IFRD2: variants seen among roughly 807,000 people sequenced by gnomAD.
IFRD2 encodes the protein interferon related developmental regulator 2.
A neutral mutation model predicts 49.2 loss-of-function variants in IFRD2; 35 were observed. That is an observed-to-expected ratio of 0.71 (90% CI 0.54 to 0.94). The LOEUF is 0.94. Ranked by LOEUF, IFRD2 falls within the 40% of genes least tolerant of loss-of-function variation. The pLI, the probability that IFRD2 is intolerant of heterozygous loss-of-function variation, is 0.00. For missense variants in IFRD2, 561 were observed against 591.6 expected, an observed-to-expected ratio of 0.95 and a Z score of 0.54; for synonymous variants, 275 against 239.7, an observed-to-expected ratio of 1.15 and a Z score of -1.36.
At position 50,289,512 on chromosome 3, in the gene IFRD2, G is replaced by T; in HGVS notation, c.714C>A (p.Ala238=). The stretch of plus-strand genomic sequence containing the variant: ...TGAGCAGCAATGCCCAGGCCTGCAG[G>T]GCAGCAGAGAGCAGGCCGTGCAGGC... ...PASLHGLLSA[A]LQAWALLLTI... Residue 238 remains alanine, a synonymous_variant, in exon 7 of 12, where the codon GCC becomes GCA. Coordinates refer to ENST00000417626, the MANE Select transcript of IFRD2 (RefSeq NM_006764.5). 1 of 1,585,700 alleles carries T rather than the reference G, an allele frequency of 6.3e-7. No individual in the cohort carries two copies. Among genetic ancestry groups the T allele is most frequent in the Non-Finnish European group, 8.6e-7 (1 of 1,166,232 alleles).
chr3:50,289,140 G>A lies in IFRD2; in HGVS notation c.885+115C>T, dbSNP rs1701619059. ...ATCTAGGAGATAAATCTGTTTTGGG[G>A]CCACCTCCTCTGCATAATGACCTAA... On this transcript the variant is annotated intron_variant, in intron 8 of 11. Transcript: ENST00000417626. 5 of 1,171,268 alleles carry A rather than the reference G, an allele frequency of 4.3e-6. No individual in the cohort carries two copies. The East Asian group carries it at 7.7e-5, about 18-fold the overall frequency. The allele number at this position is 1,171,268 out of a possible 1,614,324, so 72.6% of individuals were successfully genotyped here.
Position 50,290,617 on chromosome 3 carries a change from G to A in IFRD2, c.121C>T (p.Arg41Cys), listed in dbSNP as rs782209228. 33 of 1,613,812 alleles carry A rather than the reference G, an allele frequency of 2.0e-5. No homozygotes were observed. The African/African-American group carries it at 2.5e-4, about 12-fold the overall frequency. The change falls in exon 2 of 12, where the codon CGC becomes TGC. Residue 41 changes from arginine (R) to cysteine (C), a missense_variant. By Grantham distance (180) the Arg-to-Cys change is radical (BLOSUM62 -3). Transcript: ENST00000417626. ...CTGGGGCATTCACTGGCGGTGCTGCGGGCCTCACTGGCTGCCTCATCGTCA... is the reference window on the plus strand; with the variant it reads ...CTGGGGCATTCACTGGCGGTGCTGCAGGCCTCACTGGCTGCCTCATCGTCA... ...SSDDEAASEA[R>C]STASECPSLL...
Position 50,290,195 on chromosome 3 carries a change from A to T in IFRD2, c.363T>A (p.Asp121Glu). 1 of 1,613,886 alleles carries T rather than the reference A, an allele frequency of 6.2e-7. No homozygotes were observed. Among genetic ancestry groups the T allele is most frequent in the Non-Finnish European group, 8.5e-7 (1 of 1,179,816 alleles). The change falls in exon 4 of 12, where the codon GAT (aspartate) becomes GAA (glutamate). Residue 121 changes from aspartate (D) to glutamate (E), a missense_variant. By Grantham distance (45) the Asp-to-Glu change is conservative. Transcript: ENST00000417626. ...CTTTCTTGAGGCACTTTTCCAGGGCATCGGCTAGCGTGAGGCGGCGCTCCA... is the reference window on the plus strand; with the variant it reads ...CTTTCTTGAGGCACTTTTCCAGGGCTTCGGCTAGCGTGAGGCGGCGCTCCA... ...FLLERRLTLA[D>E]ALEKCLKKGK...
At chr3:50,291,845 A>T in intron 1 of IFRD2, 1 of 218,516 alleles carries the variant, frequency 4.6e-6, no homozygotes, top group Non-Finnish European at 8.9e-6. Flanking sequence ...CCCTCTCTTC[A>T]CCGGAGCAGG....
rs1701614889 is a variant in IFRD2, at chr3:50,288,910, C to T, written c.913G>A (p.Ala305Thr). ...AGAGTGCGCAGGACACTGCAGAGGG[C>T]CTCCATGTCCTCGTAAACAAACTCC... ...EEEFVYEDME[A>T]LCSVLRTLAT... The change falls in exon 9 of 12, where the codon GCC (alanine) becomes ACC (threonine). Residue 305 changes from alanine to threonine, a missense_variant. Ala to Thr is a moderately conservative substitution (Grantham distance 58). Coordinates refer to ENST00000417626, the MANE Select transcript of IFRD2 (RefSeq NM_006764.5). 6.2e-7 allele frequency: 1 copy of T among 1,612,888 alleles called. No individual in the cohort carries two copies. Among genetic ancestry groups the T allele is most frequent in the Non-Finnish European group, 8.5e-7 (1 of 1,179,362 alleles).
At position 50,290,484 on chromosome 3, in the gene IFRD2, C is replaced by G; in HGVS notation, c.179-12G>C. On this transcript the variant is annotated splice_polypyrimidine_tract_variant and intron_variant, in intron 2 of 11. Coordinates refer to ENST00000417626, the MANE Select transcript of IFRD2 (RefSeq NM_006764.5). Reference sequence around the variant, plus strand: ...CACGACATCCCCCCCTGCAAGGCCACCTGGTCAGCACCGCTTCTTGTCCTC... The same window carrying G: ...CACGACATCCCCCCCTGCAAGGCCAGCTGGTCAGCACCGCTTCTTGTCCTC... 4.4e-6 allele frequency: 7 copies of G among 1,584,018 alleles called. No individual in the cohort carries two copies. The highest frequency in any genetic ancestry group is 6.0e-6 in the Non-Finnish European group (7 of 1,163,978).
Position 50,288,662 on chromosome 3 carries a change from T to G in IFRD2, c.1073A>C (p.Tyr358Ser). The part of the protein sequence containing the change: ...EIVRFGFEVL[Y>S]MDSWARHRIY... ...CCGGTGCCGAGCCCAGCTGTCCATG[T>G]AGAGCACCTCAAAGCCGAAGCGCAC... Residue 358 changes from tyrosine (Y) to serine (S), a missense_variant, in exon 10 of 12, where the codon TAC becomes TCC. Coordinates refer to ENST00000417626, the MANE Select transcript of IFRD2 (RefSeq NM_006764.5). The G allele has an allele frequency of 6.2e-7, 1 of 1,613,272 alleles. No individual in the cohort carries two copies.
rs782103436 is a variant in IFRD2, at chr3:50,288,827, A to T, written c.996T>A (p.Thr332=). The T allele has an allele frequency of 2.5e-6, 4 of 1,613,494 alleles. No homozygotes were observed. The East Asian group carries it at 8.9e-5, about 36-fold the overall frequency. ...AKADRRRQRS[T]FRAVLHSVEG... ...CCACGGAGTGCAGCACGGCGCGGAA[A>T]GTAGAGCGCTGGCGCCGACGATCAG... The change falls in exon 9 of 12, where the codon ACT becomes ACA. Residue 332 remains threonine (T), a synonymous_variant. Transcript: ENST00000417626.
At chr3:50,290,361 TAGG>T (rs782322202) in intron 3 of IFRD2, 24 bp downstream of exon 3, 16 of 1,594,502 alleles carry the variant, frequency 1.0e-5, no homozygotes, top group Non-Finnish European at 1.4e-5. Flanking sequence ...GAGCTGGGTG[TAGG>T]AGTTGGCTGG....
Position 50,287,973 on chromosome 3 carries a change from TGA to T in IFRD2, c.*216_*217del. The T allele has an allele frequency of 1.8e-6, 1 of 564,956 alleles. No individual in the cohort carries two copies. The highest frequency in any genetic ancestry group is 2.1e-5 in the South Asian group (1 of 48,718). 35.0% of individuals were successfully genotyped at this position (564,956 alleles called of 1,614,324 possible). A position where few individuals can be genotyped will look rare whatever the true frequency, so the allele number is the denominator to read the frequency against. On this transcript the variant is annotated 3_prime_UTR_variant, in exon 12 of 12. Coordinates refer to ENST00000417626, the MANE Select transcript of IFRD2 (RefSeq NM_006764.5). ...AGGAAGGCACATATTTAGCCTGGCC[TGA>T]GACAGGACAGGAAGGGGCCACAGGG... is the stretch of plus-strand genomic sequence containing the variant.
At position 50,288,069 on chromosome 3, in the gene IFRD2, T is replaced by G; in HGVS notation, c.*122A>C. 1 of 915,042 alleles carries G rather than the reference T, an allele frequency of 1.1e-6. No homozygotes were observed. Among genetic ancestry groups the G allele is most frequent in the Non-Finnish European group, 1.7e-6 (1 of 584,978 alleles). The allele number at this position is 915,042 out of a possible 1,614,324, so 56.7% of individuals were successfully genotyped here. On this transcript the variant is annotated 3_prime_UTR_variant, in exon 12 of 12. Transcript: ENST00000417626. ...CCCCAGCTACCCACCCCATGTCTGT[T>G]TTTGGTTTTGTCATTAAAAAAAATA...
In IFRD2 at chr3:50,290,462, G is replaced by A. The variant is rs898137776; in HGVS notation, c.189C>T (p.Val63=). The part of the protein sequence containing the change: ...TTAEDSLGGD[V]VDEQGQQEDL... ...CTTCCTGCTGGCCCTGCTCATCCACGACATCCCCCCCTGCAAGGCCACCTG... is the reference window on the plus strand; with the variant it reads ...CTTCCTGCTGGCCCTGCTCATCCACAACATCCCCCCCTGCAAGGCCACCTG... Residue 63 remains valine, a synonymous_variant, in exon 3 of 12, where the codon GTC becomes GTT. Transcript: ENST00000417626. 11 of 1,578,022 alleles carry A rather than the reference G, an allele frequency of 7.0e-6. No individual in the cohort carries two copies. In the South Asian group the frequency reaches 8.1e-5, roughly 12 times the overall value.
chr3:50,290,578 T>C lies in IFRD2; in HGVS notation c.160A>G (p.Thr54Ala), dbSNP rs781794592. ...ASECPSLLST[T>A]AEDSLGGDVV... ...CTCTCACCAAGGCTGTCCTCTGCAG[T>C]GGTGCTGAGAAGGCTGGGGCATTCA... Residue 54 changes from threonine (T) to alanine (A), a missense_variant, in exon 2 of 12, where the codon ACT (threonine) becomes GCT (alanine). Transcript: ENST00000417626. 2 of 1,613,832 alleles carry C rather than the reference T, an allele frequency of 1.2e-6. No individual in the cohort carries two copies. Among genetic ancestry groups the C allele is most frequent in the Non-Finnish European group, 1.7e-6 (2 of 1,179,878 alleles).
chr3:50,288,101 C>G lies in IFRD2; in HGVS notation c.*90G>C. 1.7e-6 allele frequency: 2 copies of G among 1,184,212 alleles called. No homozygotes were observed. Among genetic ancestry groups the G allele is most frequent in the South Asian group, 2.6e-5 (2 of 76,256 alleles). The allele number at this position is 1,184,212 out of a possible 1,614,324, so 73.4% of individuals were successfully genotyped here. On this transcript the variant is annotated 3_prime_UTR_variant, in exon 12 of 12. Transcript: ENST00000417626. ...TTTGTCATTAAAAAAAATAAAGTGA[C>G]AAATACTGGTGGAGACCAGTTGTTG...
At chr3:50,288,737 C>G (rs1553709046) in intron 9 of IFRD2, 26 bp from the exon 10 acceptor site, 4 of 1,612,288 alleles carry the variant, frequency 2.5e-6, no homozygotes, top group Non-Finnish European at 3.4e-6. Context: ...GCCAACACAA[C>G]TGGGCTTGGC....
In IFRD2 at chr3:50,290,307, G is replaced by A. The variant is rs371709943; in HGVS notation, c.264-13C>T. The A allele has an allele frequency of 1.3e-5, 21 of 1,608,342 alleles. No individual in the cohort carries two copies. The highest frequency in any genetic ancestry group is 1.2e-4 in the Admixed American group (7 of 59,092). ...CCGGGTCTTGGCACTGGGGGAGGTC[G>A]AGAAGGGGGGTCATATGGGCCAGCC... On this transcript the variant is annotated splice_polypyrimidine_tract_variant and intron_variant, in intron 3 of 11. Transcript: ENST00000417626.
chr3:50,289,741 C>G lies in IFRD2; in HGVS notation c.568G>C (p.Gly190Arg). 2 of 1,603,692 alleles carry G rather than the reference C, an allele frequency of 1.2e-6. No homozygotes were observed. The highest frequency in any genetic ancestry group is 1.7e-6 in the Non-Finnish European group (2 of 1,175,368). Residue 190 changes from glycine (G) to arginine (R), a missense_variant, in exon 6 of 12, where the codon GGC (glycine) becomes CGC (arginine). Physicochemically the swap from Gly to Arg is moderately radical, Grantham distance 125. Coordinates refer to ENST00000417626, the MANE Select transcript of IFRD2 (RefSeq NM_006764.5). The part of the protein sequence containing the change: ...RLHCASALGL[G>R]CYVAAADIQD... ...ATGTCAGCGGCAGCCACGTAGCAGC[C>G]CAGGCCAAGGGCAGAAGCACACTGT...
chr3:50,289,029 G>A, intron 8 of IFRD2, 92 bp from the exon 9 acceptor site: 1 of 1,510,452 alleles, frequency 6.6e-7, no homozygotes. Flanking sequence ...TTCACTGAGA[G>A]ACCCTCTCTT....
At chr3:50,292,030 C>T in intron 1 of IFRD2, 187 bp downstream of exon 1, 1 of 627,566 alleles carries the variant, frequency 1.6e-6, no homozygotes, top group Non-Finnish European at 2.5e-6. Context: ...GGGCAGCGAG[C>T]TCAAGTTGGG....
Sources: allele counts gnomAD v4.1 joint callset, GRCh38; gene constraint gnomAD v4.1.1; transcripts MANE v1.5; gene names NCBI Gene and HGNC (gene_info 2026-07-23, HGNC 2026-07-21).